The following SLC16A12 variants were observed in gnomAD, a reference collection of about 807,000 sequenced individuals.
SLC16A12 encodes the protein monocarboxylate transporter 12.
In SLC16A12, 17 loss-of-function variants were observed where a neutral mutation model predicts 42.4. The ratio of observed to expected loss-of-function variants is 0.40; its 90% confidence interval spans 0.27 to 0.60. The LOEUF (loss-of-function observed/expected upper bound fraction) is 0.60, where lower values mean the gene tolerates loss of function less well. SLC16A12 is among the 20% of genes least tolerant of loss of function. The probability of loss-of-function intolerance (pLI) is 0.42; values close to 1 mark genes in which losing one functional copy is unlikely to be tolerated. For synonymous variants in SLC16A12, 224 were observed against 229.4 expected (o/e 0.98, Z 0.21); for missense variants, 544 against 623.0 (o/e 0.87, Z 1.35).
chr10:89,513,600 A>G (rs547087282), intron 2 of SLC16A12, among the ~76,000 whole-genome samples: 1 of 152,358 alleles, frequency 6.6e-6, no homozygotes, highest in African/African-American at 2.4e-5. Flanking sequence ...TATAAAATGT[A>G]TACCTTGAAA....
intron 3 of SLC16A12, among the ~76,000 whole-genome samples, chr10:89,448,005 A>C (rs748762301): frequency 6.6e-6 from 1 of 151,462 alleles, no homozygotes; most frequent in Admixed American, 6.5e-5. Flanking sequence ...ATAAACTAGA[A>C]AATCTAGAAG....
At chr10:89,442,343 C>T (rs1329706366) in intron 4 of SLC16A12, among the ~76,000 whole-genome samples, 1 of 152,160 alleles carries the variant, frequency 6.6e-6, no homozygotes, top group Non-Finnish European at 1.5e-5. Context: ...GCCTCTTGGT[C>T]TTGCATAGAA....
intron 3 of SLC16A12, among the ~76,000 whole-genome samples, chr10:89,448,346 A>G (rs972805980): frequency 6.6e-6 from 1 of 152,202 alleles, no homozygotes. Flanking sequence ...CCTGATGAAC[A>G]TTGATGCAAA....
intron 2 of SLC16A12, among the ~76,000 whole-genome samples, chr10:89,493,506 T>C (rs1192733103): frequency 1.3e-5 from 2 of 152,200 alleles, no homozygotes; most frequent in African/African-American, 4.8e-5. Context: ...TTTTACTTTT[T>C]GTCACCCTGA....
At chr10:89,540,991 G>A (rs991310618) in intron 2 of SLC16A12, among the ~76,000 whole-genome samples, 6 of 148,416 alleles carry the variant, frequency 4.0e-5, no homozygotes, top group Admixed American at 1.4e-4. Context: ...GTACAATCTC[G>A]GCTCAATTTA....
At chr10:89,512,606 T>G (rs923255508) in intron 2 of SLC16A12, among the ~76,000 whole-genome samples, 3 of 152,196 alleles carry the variant, frequency 2.0e-5, no homozygotes, top group Non-Finnish European at 4.4e-5. Flanking sequence ...TCCAAGCTGG[T>G]GAACAAGAAT....
At chr10:89,443,118 C>G (rs1462002109) in intron 4 of SLC16A12, among the ~76,000 whole-genome samples, 6 of 152,170 alleles carry the variant, frequency 3.9e-5, no homozygotes, top group Admixed American at 1.3e-4. Context: ...CCCTACATAC[C>G]TTATATAACA....
At chr10:89,550,474 G>A (rs1000806983) in intron 2 of SLC16A12, among the ~76,000 whole-genome samples, 17 of 152,258 alleles carry the variant, frequency 1.1e-4, no homozygotes, top group South Asian at 8.3e-4. Context: ...AGCTGAGATC[G>A]CGCCACTGCA....
Position 89,439,040 on chromosome 10 carries a change from T to C in SLC16A12, c.592A>G (p.Ile198Val). 1 of 1,613,922 alleles carries C rather than the reference T, an allele frequency of 6.2e-7. No homozygotes were observed. The highest frequency in any genetic ancestry group is 8.5e-7 in the Non-Finnish European group (1 of 1,179,932). Residue 198 changes from isoleucine (I) to valine (V), a missense_variant, in exon 6 of 8, where the codon ATT (isoleucine) becomes GTT (valine). Transcript: ENST00000371790. ...GCTCCCCGCCAGGAAAACTGTTCAA[T>C]AAGGAGCTGAACCACAGGAGCCAGG... ...FILAPVVQLL[I>V]EQFSWRGALL...
intron 2 of SLC16A12, among the ~76,000 whole-genome samples, chr10:89,519,007 T>C (rs978248055): frequency 6.6e-6 from 1 of 152,166 alleles, no homozygotes; most frequent in African/African-American, 2.4e-5. Context: ...TATTTAAGAA[T>C]AGTGGTGGTT....
chr10:89,482,080 G>A (rs1298832093), intron 2 of SLC16A12, among the ~76,000 whole-genome samples: 9 of 151,868 alleles, frequency 5.9e-5, no homozygotes, highest in Non-Finnish European at 1.3e-4. Flanking sequence ...TAAATTTTTT[G>A]AATTTCGAAA....
At chr10:89,504,324 C>T (rs1241856807) in intron 2 of SLC16A12, among the ~76,000 whole-genome samples, 1 of 152,180 alleles carries the variant, frequency 6.6e-6, no homozygotes, top group Non-Finnish European at 1.5e-5. Context: ...GAAAGAGGCT[C>T]TTAACTAATG....
chr10:89,537,012 T>C (rs539241687), upstream of SLC16A12, among the ~76,000 whole-genome samples: 4 of 152,140 alleles, frequency 2.6e-5, no homozygotes, highest in East Asian at 5.8e-4. Flanking sequence ...TAATTTTTTG[T>C]ATCTTTGGTA....
intron 2 of SLC16A12, among the ~76,000 whole-genome samples, chr10:89,469,172 T>C (rs942240220): frequency 6.6e-6 from 1 of 152,200 alleles, no homozygotes; most frequent in African/African-American, 2.4e-5. Flanking sequence ...CTCCAATTCA[T>C]ATTATTTTGA....
At chr10:89,500,834 TGAA>T (rs999463127) in intron 2 of SLC16A12, among the ~76,000 whole-genome samples, 28 of 152,124 alleles carry the variant, frequency 1.8e-4, no homozygotes, top group African/African-American at 6.8e-4. Context: ...TCCAAATCAG[TGAA>T]GAAGAAGTCA....
intron 1 of SLC16A12, among the ~76,000 whole-genome samples, chr10:89,534,977 T>C (rs570497775): frequency 6.6e-6 from 1 of 152,304 alleles, no homozygotes; most frequent in African/African-American, 2.4e-5. Context: ...ACTGGTTTAT[T>C]TGTGGACAAG....
intron 2 of SLC16A12, among the ~76,000 whole-genome samples, chr10:89,551,793 A>G (rs981375516): frequency 6.6e-6 from 1 of 152,198 alleles, no homozygotes; most frequent in African/African-American, 2.4e-5. Context: ...ATTCTGAGGC[A>G]TCCTCAGCCA....
chr10:89,480,093 C>T (rs1252049269), intron 2 of SLC16A12, among the ~76,000 whole-genome samples: 1 of 152,108 alleles, frequency 6.6e-6, no homozygotes, highest in African/African-American at 2.4e-5. Flanking sequence ...AAAAAGAAAC[C>T]CACATTCCTC....
chr10:89,486,669 AAAG>A (rs1842758619), intron 2 of SLC16A12, among the ~76,000 whole-genome samples: 1 of 99,456 alleles, frequency 1.0e-5, no homozygotes, highest in Admixed American at 8.7e-5. Context: ...GAAAGAAAAG[AAAG>A]AAAGAAAGAA....
Sources: gnomAD v4.1 joint callset for allele counts (sites outside exome capture counted in the v4.1 genomes callset) on GRCh38, gnomAD v4.1.1 for gene constraint, MANE v1.5 for transcripts, NCBI Gene and HGNC (gene_info 2026-07-23, HGNC 2026-07-21) for gene names.